The following SLC19A1 variants were observed in gnomAD, a reference collection of about 807,000 sequenced individuals.
SLC19A1 encodes reduced folate transporter.
Under a neutral mutation model 35.3 loss-of-function variants are expected in SLC19A1, and 37 were observed. The observed-to-expected ratio is 1.05, with a 90% CI of 0.81 to 1.38. SLC19A1 has a LOEUF of 1.38. Among genes scored for constraint, SLC19A1 ranks in the 40% most tolerant of loss-of-function variants. The probability of loss-of-function intolerance (pLI) is 0.00; values close to 1 mark genes in which losing one functional copy is unlikely to be tolerated. For synonymous variants in SLC19A1, 460 were observed against 398.5 expected, an observed-to-expected ratio of 1.15 and a Z score of -1.84; for missense variants, 831 against 826.9, an observed-to-expected ratio of 1.00 and a Z score of -0.06.
At chr21:45,539,913 G>C (rs563024808) in intron 1 of SLC19A1, among the ~76,000 whole-genome samples, 43 of 152,272 alleles carry the variant, frequency 2.8e-4, no homozygotes, top group Non-Finnish European at 5.7e-4. Flanking sequence ...GAAGAAGATG[G>C]GACCAGCACC....
At chr21:45,511,027 CACATCCACA>C, downstream of SLC19A1, 1 of 331,638 alleles carries the variant, frequency 3.0e-6, no homozygotes. Flanking sequence ...ATCCACACCC[CACATCCACA>C]CACCCCCCCA....
At chr21:45,504,899 TG>T (rs1259537089) in intron 3 of SLC19A1, among the ~76,000 whole-genome samples, 2 of 141,224 alleles carry the variant, frequency 1.4e-5, no homozygotes, top group Non-Finnish European at 3.0e-5. Context: ...AGCTACTGCC[TG>T]GGGGCCCACA....
Position 45,515,630 on chromosome 21 carries a change from G to T in SLC19A1, c.*28C>A. The T allele has an allele frequency of 6.2e-7, 1 of 1,612,306 alleles. No homozygotes were observed. The highest frequency in any genetic ancestry group is 8.5e-7 in the Non-Finnish European group (1 of 1,179,944). ...CGTGGGGATGCACTGAGGGCCGCCT[G>T]CAAAGTTACCACAGGGGCGCCCGAG... is the stretch of plus-strand genomic sequence containing the variant. On this transcript the variant is annotated 3_prime_UTR_variant, in exon 6 of 6. Coordinates refer to ENST00000311124, the MANE Select transcript of SLC19A1 (RefSeq NM_194255.4).
downstream of SLC19A1, chr21:45,511,345 C>A (rs533463430): frequency 5.8e-6 from 4 of 692,514 alleles, no homozygotes; most frequent in South Asian, 6.0e-5. Context: ...ATGCTCATTA[C>A]TTTAAAATTA....
intron 1 of SLC19A1, among the ~76,000 whole-genome samples, chr21:45,538,727 C>T (rs1184573624): frequency 6.6e-6 from 1 of 152,178 alleles, no homozygotes; most frequent in Non-Finnish European, 1.5e-5. Context: ...CCCCTGAGCC[C>T]AGGGACCCCA....
chr21:45,538,802 C>A (rs1047718246), intron 1 of SLC19A1, among the ~76,000 whole-genome samples: 3 of 152,192 alleles, frequency 2.0e-5, no homozygotes, highest in African/African-American at 7.2e-5. Flanking sequence ...GGACCTGACA[C>A]GTTCCAGATG....
chr21:45,506,382 C>G lies in SLC19A1; in HGVS notation c.498-7770G>C, dbSNP rs2037206045. On this transcript the variant is annotated intron_variant, in intron 3 of 4. Transcript: ENST00000417954. ...GCAGGCTGTCCCGTGGCTCTGCACCCCGCGTTATAAACACCAAGGTGGGAT... is the reference window on the plus strand; with the variant it reads ...GCAGGCTGTCCCGTGGCTCTGCACCGCGCGTTATAAACACCAAGGTGGGAT... 4 of 342,912 alleles carry G rather than the reference C, an allele frequency of 1.2e-5. 1 individual carries two copies. Among genetic ancestry groups the G allele is most frequent in the South Asian group, 9.3e-5 (4 of 43,228 alleles). The allele number at this position is 342,912 out of a possible 1,614,324, so 21.2% of individuals were successfully genotyped here. A position where few individuals can be genotyped will look rare whatever the true frequency, so the allele number is the denominator to read the frequency against.
At chr21:45,553,141 G>A (rs2146494373) in intron 1 of SLC19A1, among the ~76,000 whole-genome samples, 1 of 152,316 alleles carries the variant, frequency 6.6e-6, no homozygotes, top group South Asian at 2.1e-4. Context: ...TGGAGGGCAG[G>A]GGCCTTTGCT....
intron 3 of SLC19A1, chr21:45,506,266 A>G (rs1404099555): frequency 2.4e-6 from 1 of 424,416 alleles, no homozygotes; most frequent in African/African-American, 2.0e-5. Context: ...CACACCCGAT[A>G]ATAAGACAAG....
At chr21:45,556,735 C>G (rs1431696374) in intron 1 of SLC19A1, among the ~76,000 whole-genome samples, 3 of 152,174 alleles carry the variant, frequency 2.0e-5, no homozygotes, top group East Asian at 3.8e-4. Context: ...TGTGGCTGAT[C>G]TGTCTCTGTT....
chr21:45,545,716 CCATATG>C (rs1311830474), upstream of SLC19A1, among the ~76,000 whole-genome samples: 1 of 152,112 alleles, frequency 6.6e-6, no homozygotes, highest in African/African-American at 2.4e-5. Flanking sequence ...AGACGGCACC[CCATATG>C]CAGGAAGACG....
At chr21:45,510,088 C>T (rs2037488040), downstream of SLC19A1, 2 of 1,584,054 alleles carry the variant, frequency 1.3e-6, no homozygotes, top group Non-Finnish European at 8.6e-7. Flanking sequence ...GCTCAACAGC[C>T]CCCTGTCAGG....
At position 45,516,313 on chromosome 21, in the gene SLC19A1, G is replaced by GCC. The variant is rs3833366; in HGVS notation, c.1294-175_1294-174dup. The stretch of plus-strand genomic sequence containing the variant: ...AGCAGGTGCCACAGTGCTCACCACA[G>GCC]CCCCCCCGACCTCCACCACCTGGCA... On this transcript the variant is annotated intron_variant, in intron 5 of 5. Coordinates refer to ENST00000311124, the MANE Select transcript of SLC19A1 (RefSeq NM_194255.4). 8.6e-3 allele frequency among the ~76,000 whole-genome samples: 1,306 copies of GCC among 152,028 alleles called. 11 individuals carry two copies. The highest frequency in any genetic ancestry group is 0.013 in the Non-Finnish European group (875 of 67,928).
chr21:45,541,262 G>A (rs1441779124), intron 1 of SLC19A1, among the ~76,000 whole-genome samples: 2 of 152,234 alleles, frequency 1.3e-5, no homozygotes, highest in African/African-American at 4.8e-5. Flanking sequence ...TGCACAGGTG[G>A]CACCCAGGCA....
intron 4 of SLC19A1, among the ~76,000 whole-genome samples, chr21:45,529,941 AGT>A (rs376594423): frequency 1.4e-3 from 170 of 123,056 alleles, no homozygotes; most frequent in African/African-American, 5.1e-3. Context: ...GTCCGTGTGT[AGT>A]GTGTGTCCAT....
Position 45,516,056 on chromosome 21 carries a change from G to A in SLC19A1, c.1378C>T (p.Arg460Trp), listed in dbSNP as rs201021365. The A allele has an allele frequency of 4.4e-5, 70 of 1,587,434 alleles. 1 individual carries two copies. The highest frequency in any genetic ancestry group is 2.0e-4 in the East Asian group (9 of 44,006). ...AMLDGLRHCQ[R>W]GHHPRQPPAQ... Reference sequence around the variant, plus strand: ...GGGGGCTGCCGCGGGTGGTGGCCCCGCTGGCAGTGCCGCAGGCCATCCAGC... The same window carrying A: ...GGGGGCTGCCGCGGGTGGTGGCCCCACTGGCAGTGCCGCAGGCCATCCAGC... Residue 460 changes from arginine (R) to tryptophan (W), a missense_variant, in exon 6 of 6, where the codon CGG becomes TGG. Arg to Trp is a moderately radical substitution (Grantham distance 101, BLOSUM62 -3). Coordinates refer to ENST00000311124, the MANE Select transcript of SLC19A1 (RefSeq NM_194255.4).
chr21:45,556,050 G>A (rs1389461443), intron 1 of SLC19A1, among the ~76,000 whole-genome samples: 1 of 152,202 alleles, frequency 6.6e-6, no homozygotes, highest in Non-Finnish European at 1.5e-5. Flanking sequence ...ACAGGTCAAA[G>A]CCGAGAACAG....
At chr21:45,505,920 A>G (rs1309927926) in intron 3 of SLC19A1, 2 of 1,613,178 alleles carry the variant, frequency 1.2e-6, no homozygotes, top group Admixed American at 1.7e-5. Context: ...GTGGCCGAGC[A>G]GGAGGAGCTC....
rs1191442286 is a variant in SLC19A1, at chr21:45,514,839, CCCA to C, written c.*816_*818del. ...GCCGCTGGGACGTACTTCCCCAGCG[CCCA>C]CCACAAAGGCAGCCCCCCCAAGGCT... On this transcript the variant is annotated 3_prime_UTR_variant, in exon 6 of 6. Coordinates refer to ENST00000311124, the MANE Select transcript of SLC19A1 (RefSeq NM_194255.4). 8.1e-6 allele frequency: 5 copies of C among 614,258 alleles called. No homozygotes were observed. The highest frequency in any genetic ancestry group is 1.3e-5 in the Non-Finnish European group (5 of 370,884). The allele number at this position is 614,258 out of a possible 1,614,324, so 38.1% of individuals were successfully genotyped here. A position where few individuals can be genotyped will look rare whatever the true frequency, so the allele number is the denominator to read the frequency against.
Sources: allele counts gnomAD v4.1 joint callset (sites outside exome capture counted in the v4.1 genomes callset), GRCh38; gene constraint gnomAD v4.1.1; transcripts MANE v1.5; gene names NCBI Gene and HGNC (gene_info 2026-07-23, HGNC 2026-07-21).